The following PTPRO variants were observed in gnomAD, a reference collection of about 807,000 sequenced individuals.
PTPRO encodes the protein receptor-type tyrosine-protein phosphatase O.
A neutral mutation model predicts 145.2 loss-of-function variants in PTPRO; 62 were observed. That is an observed-to-expected ratio of 0.43 (90% CI 0.35 to 0.53). The LOEUF (loss-of-function observed/expected upper bound fraction) is 0.53, where lower values mean the gene tolerates loss of function less well. Ranked by LOEUF, PTPRO falls within the 20% of genes least tolerant of loss-of-function variation. PTPRO has a pLI of 0.01. For synonymous variants in PTPRO, 565 were observed against 514.7 expected (o/e 1.10, Z -1.32); for missense variants, 1,345 against 1,482.7 (o/e 0.91, Z 1.53).
At chr12:15,378,311 C>A (rs1318081077) in intron 1 of PTPRO, among the ~76,000 whole-genome samples, 3 of 151,696 alleles carry the variant, frequency 2.0e-5, no homozygotes, top group Admixed American at 2.0e-4. Flanking sequence ...AAGGAGACAG[C>A]CCTATTGTCC....
At chr12:15,576,649 T>A (rs1471754601) in intron 19 of PTPRO, among the ~76,000 whole-genome samples, 2 of 152,190 alleles carry the variant, frequency 1.3e-5, no homozygotes, top group African/African-American at 4.8e-5. Context: ...AAACAAAGAA[T>A]CATCACAAAA....
intron 9 of PTPRO, among the ~76,000 whole-genome samples, chr12:15,517,334 C>T (rs990644354): frequency 2.6e-5 from 4 of 152,112 alleles, no homozygotes; most frequent in African/African-American, 9.7e-5. Flanking sequence ...GAGAGACCTG[C>T]CCCCAGGATT....
chr12:15,478,935 T>C (rs993545407), intron 1 of PTPRO, among the ~76,000 whole-genome samples: 1 of 152,148 alleles, frequency 6.6e-6, no homozygotes, highest in African/African-American at 2.4e-5. Flanking sequence ...CCTCCCAAAG[T>C]GGTGGGATTA....
intron 1 of PTPRO, chr12:15,439,483 T>C (rs540653276): frequency 6.1e-4 from 131 of 213,308 alleles, no homozygotes; most frequent in African/African-American, 2.6e-3. Flanking sequence ...AGCTGCAAGG[T>C]TGATAAAAAT....
chr12:15,491,661 C>T (rs1257931730), intron 2 of PTPRO, among the ~76,000 whole-genome samples: 1 of 152,086 alleles, frequency 6.6e-6, no homozygotes, highest in Admixed American at 6.6e-5. Context: ...ATATGCAGTC[C>T]ATTCTTCTTG....
intron 1 of PTPRO, among the ~76,000 whole-genome samples, chr12:15,358,581 A>C (rs891537670): frequency 1.3e-5 from 2 of 152,104 alleles, no homozygotes; most frequent in Non-Finnish European, 1.5e-5. Context: ...TGGATCCTGG[A>C]GACTCTCTAA....
At chr12:15,330,032 G>A (rs544454910) in intron 1 of PTPRO, among the ~76,000 whole-genome samples, 1 of 152,310 alleles carries the variant, frequency 6.6e-6, no homozygotes, top group East Asian at 1.9e-4. Flanking sequence ...GCCAGATCAG[G>A]GAGACTTCTA....
intron 1 of PTPRO, among the ~76,000 whole-genome samples, chr12:15,352,317 T>A (rs780972948): frequency 6.6e-5 from 10 of 152,126 alleles, no homozygotes; most frequent in Non-Finnish European, 1.5e-4. Flanking sequence ...AATAAGTGAA[T>A]ACCAAGAATG....
intron 1 of PTPRO, among the ~76,000 whole-genome samples, chr12:15,432,822 G>A (rs1043588567): frequency 3.3e-5 from 5 of 152,136 alleles, no homozygotes; most frequent in Non-Finnish European, 7.3e-5. Flanking sequence ...GTTTGCTCAT[G>A]TTCTTTGCCC....
At chr12:15,513,192 A>G (rs1346821292) in intron 7 of PTPRO, among the ~76,000 whole-genome samples, 2 of 119,508 alleles carry the variant, frequency 1.7e-5, no homozygotes, top group African/African-American at 7.2e-5. Context: ...AAAGAAAGAA[A>G]GAAAGAAAGA....
At chr12:15,332,835 T>C (rs968613950) in intron 1 of PTPRO, among the ~76,000 whole-genome samples, 1 of 152,224 alleles carries the variant, frequency 6.6e-6, no homozygotes, top group Non-Finnish European at 1.5e-5. Flanking sequence ...GTTACTTCCA[T>C]CTCTGTTTGA....
chr12:15,557,505 G>C lies in PTPRO; in HGVS notation c.2609G>C (p.Gly870Ala), dbSNP rs766905208. Residue 870 changes from glycine (G) to alanine (A), a missense_variant, in exon 16 of 27, where the codon GGA (glycine) becomes GCA (alanine). By Grantham distance (60) the Gly-to-Ala change is moderately conservative. Transcript: ENST00000281171. ...AATTTTGCATCCTTAGAGAGGGATG[G>C]AAAGCTTCCATACAACTGGTGAGTA... ...FVNFASLERD[G>A]KLPYNWRRSI... The C allele has an allele frequency of 6.2e-7, 1 of 1,613,764 alleles. No individual in the cohort carries two copies. Among genetic ancestry groups the C allele is most frequent in the East Asian group, 2.2e-5 (1 of 44,852 alleles).
chr12:15,423,984 T>C (rs1418011459), intron 1 of PTPRO, among the ~76,000 whole-genome samples: 1 of 152,156 alleles, frequency 6.6e-6, no homozygotes, highest in South Asian at 2.1e-4. Context: ...CAAAATAAAA[T>C]TCGTTAGCCT....
At chr12:15,438,768 AC>A (rs1940672495) in intron 1 of PTPRO, among the ~76,000 whole-genome samples, 1 of 152,146 alleles carries the variant, frequency 6.6e-6, no homozygotes, top group Non-Finnish European at 1.5e-5. Flanking sequence ...AAAACAAACA[AC>A]CTGGAAAATA....
chr12:15,364,420 T>C (rs1001809875), intron 1 of PTPRO, among the ~76,000 whole-genome samples: 8 of 152,166 alleles, frequency 5.3e-5, no homozygotes, highest in African/African-American at 1.9e-4. Flanking sequence ...TTTCTGGAAA[T>C]ATTTACTGTA....
chr12:15,437,636 C>G (rs1409899280), intron 1 of PTPRO, among the ~76,000 whole-genome samples: 1 of 152,128 alleles, frequency 6.6e-6, no homozygotes, highest in African/African-American at 2.4e-5. Context: ...TGCACAACCC[C>G]TTCTGTTCGT....
intron 1 of PTPRO, among the ~76,000 whole-genome samples, chr12:15,336,760 C>T (rs1392204464): frequency 2.0e-5 from 3 of 152,198 alleles, no homozygotes; most frequent in Non-Finnish European, 4.4e-5. Flanking sequence ...AGTCTGCCAT[C>T]CCACCAGGTC....
chr12:15,388,278 T>C (rs117444499), intron 1 of PTPRO, among the ~76,000 whole-genome samples: 2,322 of 152,126 alleles, frequency 0.015, 89 homozygotes, highest in Admixed American at 0.083. Context: ...AAGGAAAAAA[T>C]GTAAATTGCA....
At chr12:15,485,404 A>T (rs1222723492) in intron 2 of PTPRO, among the ~76,000 whole-genome samples, 1 of 152,162 alleles carries the variant, frequency 6.6e-6, no homozygotes, top group Non-Finnish European at 1.5e-5. Flanking sequence ...TGCAAGTCAG[A>T]TTTAGGCAGC....
Sources: gnomAD v4.1 joint callset for allele counts (sites outside exome capture counted in the v4.1 genomes callset) on GRCh38, gnomAD v4.1.1 for gene constraint, MANE v1.5 for transcripts, NCBI Gene and HGNC (gene_info 2026-07-23, HGNC 2026-07-21) for gene names.